DMD: variants seen among roughly 807,000 people sequenced by gnomAD.
DMD encodes the protein dystrophin.
DMD carries 63 observed loss-of-function variants against 330.1 expected under a neutral mutation model. The observed-to-expected ratio is 0.19, with a 90% CI of 0.16 to 0.24. The LOEUF is 0.24. Among genes scored for constraint, DMD ranks in the 10% least tolerant of loss-of-function variants. The pLI, the probability that DMD is intolerant of heterozygous loss-of-function variation, is 1.00. For synonymous variants in DMD, 1,223 were observed against 959.8 expected, an observed-to-expected ratio of 1.27 and a Z score of -5.07; for missense variants, 3,344 against 2,684.1, an observed-to-expected ratio of 1.25 and a Z score of -5.43.
chrX:32,469,333 A>G (rs2040377180), intron 22 of DMD, among the ~76,000 whole-genome samples: 1 of 110,587 alleles, frequency 9.0e-6, no homozygotes, highest in Non-Finnish European at 1.9e-5. Context: ...CTTTAATGTT[A>G]CTTTTACTTT....
chrX:31,719,036 A>G (rs1042831661), intron 52 of DMD, among the ~76,000 whole-genome samples: 1 of 111,922 alleles, frequency 8.9e-6, no homozygotes, highest in African/African-American at 3.2e-5. Context: ...CTATATTACT[A>G]AAGAAATAAA....
At chrX:32,504,034 A>T (rs1230880160) in intron 18 of DMD, among the ~76,000 whole-genome samples, 1 of 111,735 alleles carries the variant, frequency 8.9e-6, no homozygotes, top group Non-Finnish European at 1.9e-5. Flanking sequence ...GATCCACATA[A>T]ATATAATCAA....
intron 55 of DMD, among the ~76,000 whole-genome samples, chrX:31,512,367 T>C (rs1433678767): frequency 9.4e-6 from 1 of 106,929 alleles, no homozygotes; most frequent in East Asian, 2.9e-4. Context: ...TTCTGGCTTT[T>C]GTTGCCATTG....
At chrX:32,086,546 G>T (rs1212583573) in intron 44 of DMD, among the ~76,000 whole-genome samples, 1 of 111,028 alleles carries the variant, frequency 9.0e-6, no homozygotes, top group Non-Finnish European at 1.9e-5. Flanking sequence ...GTTGTTGGGT[G>T]GGGGGGAAGA....
At chrX:32,094,585 A>T (rs1191402845) in intron 44 of DMD, among the ~76,000 whole-genome samples, 1 of 112,244 alleles carries the variant, frequency 8.9e-6, no homozygotes, top group African/African-American at 3.2e-5. Flanking sequence ...TTCCTTCAAC[A>T]GCATTAAGAA....
chrX:32,868,003 G>A (rs2082648407), intron 2 of DMD, among the ~76,000 whole-genome samples: 1 of 110,354 alleles, frequency 9.1e-6, no homozygotes, highest in Non-Finnish European at 1.9e-5. Flanking sequence ...AAAACCGTGA[G>A]TGAATCCTGC....
In DMD at chrX:31,691,946, T is replaced by C. The variant is rs2083154164; in HGVS notation, c.7661-12360A>G. ...GGACCTAACAGACATATACAGAACA[T>C]TGTGCCCTGAACAGTAGGAAAATAC... On this transcript the variant is annotated intron_variant, in intron 52 of 78. Coordinates refer to ENST00000357033, the MANE Select transcript of DMD (RefSeq NM_004006.3). Among the ~76,000 whole-genome samples, 11 of 111,696 alleles carry C rather than the reference T, an allele frequency of 9.8e-5. No individual in the cohort carries two copies. In the South Asian group the frequency reaches 3.4e-3, roughly 34 times the overall value.
intron 2 of DMD, among the ~76,000 whole-genome samples, chrX:32,859,508 CACAA>C (rs2081908697): frequency 1.1e-5 from 1 of 89,585 alleles, no homozygotes; most frequent in East Asian, 3.6e-4. Flanking sequence ...CACACACACA[CACAA>C]GTTAAAGTCT....
chrX:32,520,035 G>T (rs1443389841), intron 17 of DMD, among the ~76,000 whole-genome samples: 2 of 111,450 alleles, frequency 1.8e-5, no homozygotes, highest in African/African-American at 6.5e-5. Context: ...ATTTATCGAG[G>T]CTATCCAACT....
intron 59 of DMD, among the ~76,000 whole-genome samples, chrX:31,451,279 C>CT (rs2065723268): frequency 2.0e-5 from 1 of 51,026 alleles, no homozygotes; most frequent in African/African-American, 7.4e-5. Context: ...TCCTTTCTTT[C>CT]CTTTTTTTTT....
chrX:32,472,088 T>C, intron 22 of DMD, 76 bp downstream of exon 22: 1 of 1,125,304 alleles, frequency 8.9e-7, no homozygotes, highest in Non-Finnish European at 1.2e-6. Context: ...TAAATTCTAA[T>C]ATTATTTAAA....
intron 60 of DMD, among the ~76,000 whole-genome samples, chrX:31,350,172 C>A (rs908975404): frequency 1.8e-5 from 2 of 111,433 alleles, no homozygotes; most frequent in Non-Finnish European, 3.8e-5. Context: ...GCTAAGCCCA[C>A]CAAAACTACC....
intron 1 of DMD, 142 bp downstream of exon 1, chrX:33,211,140 T>A (rs2051887085): frequency 1.5e-6 from 1 of 647,064 alleles, no homozygotes; most frequent in African/African-American, 2.3e-5. Context: ...AATAAATACA[T>A]ATATATATGC....
intron 61 of DMD, among the ~76,000 whole-genome samples, chrX:31,328,592 C>G (rs189044544): frequency 9.0e-6 from 1 of 111,151 alleles, no homozygotes; most frequent in African/African-American, 3.3e-5. Context: ...AGTACAGATT[C>G]AGAAGAACTG....
chrX:32,186,354 C>T (rs1194249417), intron 44 of DMD, among the ~76,000 whole-genome samples: 1 of 111,056 alleles, frequency 9.0e-6, no homozygotes, highest in South Asian at 3.7e-4. Flanking sequence ...AAATGTAACT[C>T]GCTGTTTTAT....
intron 4 of DMD, among the ~76,000 whole-genome samples, chrX:32,843,383 G>C (rs1398911021): frequency 8.9e-6 from 1 of 111,830 alleles, no homozygotes; most frequent in African/African-American, 3.3e-5. Context: ...TAATAAACAA[G>C]AAAATCAGCT....
chrX:32,410,984 A>C (rs1376682244), intron 30 of DMD, among the ~76,000 whole-genome samples: 6 of 111,740 alleles, frequency 5.4e-5, no homozygotes, highest in Non-Finnish European at 1.1e-4. Context: ...ATCATTAATA[A>C]TTGAGGTGTA....
intron 21 of DMD, among the ~76,000 whole-genome samples, chrX:32,474,908 T>C (rs923259533): frequency 5.4e-5 from 6 of 111,819 alleles, no homozygotes; most frequent in African/African-American, 1.9e-4. Context: ...GCTTTTGGGT[T>C]CCTGGTCATG....
At chrX:31,364,479 ACTAAT>A (rs1381693467) in intron 60 of DMD, among the ~76,000 whole-genome samples, 1 of 111,948 alleles carries the variant, frequency 8.9e-6, no homozygotes, top group Non-Finnish European at 1.9e-5. Flanking sequence ...TTGTTTCTTA[ACTAAT>A]CTGAGTTGAG....
Sources: gnomAD v4.1 joint callset for allele counts (sites outside exome capture counted in the v4.1 genomes callset) on GRCh38, gnomAD v4.1.1 for gene constraint, MANE v1.5 for transcripts, NCBI Gene and HGNC (gene_info 2026-07-23, HGNC 2026-07-21) for gene names.